The following UNC45B variants were observed in gnomAD, a reference collection of about 807,000 sequenced individuals.
UNC45B encodes the protein unc-45 myosin chaperone B.
In UNC45B, 78 loss-of-function variants were observed where a neutral mutation model predicts 98.7. The observed-to-expected ratio is 0.79, with a 90% CI of 0.66 to 0.95. UNC45B has a LOEUF of 0.95. Ranked by LOEUF, UNC45B falls within the 40% of genes least tolerant of loss-of-function variation. The pLI, the probability that UNC45B is intolerant of heterozygous loss-of-function variation, is 0.00. For synonymous variants in UNC45B, 462 were observed against 480.4 expected, an observed-to-expected ratio of 0.96 and a Z score of 0.50; for missense variants, 1,225 against 1,184.9, an observed-to-expected ratio of 1.03 and a Z score of -0.50.
Position 35,183,584 on chromosome 17 carries a change from TA to T in UNC45B, c.2529+4del. On this transcript the variant is annotated splice_donor_region_variant and intron_variant, in intron 19 of 19. Transcript: ENST00000394570. ...CTGTGCCTCAAGATGACTCAAGTGG[TA>T]AGAGCTGGCCCTGGGGATAGGACGG... is the stretch of plus-strand genomic sequence containing the variant. 1.3e-6 allele frequency: 2 copies of T among 1,547,416 alleles called. No individual in the cohort carries two copies. Among genetic ancestry groups the T allele is most frequent in the South Asian group, 1.3e-5 (1 of 79,262 alleles).
intron 19 of UNC45B, among the ~76,000 whole-genome samples, chr17:35,183,830 G>A (rs1052570057): frequency 6.6e-6 from 1 of 152,202 alleles, no homozygotes; most frequent in African/African-American, 2.4e-5. Flanking sequence ...TACCTTTAGT[G>A]GTGCATATAC....
chr17:35,184,229 C>T (rs2092290411), intron 19 of UNC45B, among the ~76,000 whole-genome samples: 1 of 152,170 alleles, frequency 6.6e-6, no homozygotes, highest in Non-Finnish European at 1.5e-5. Flanking sequence ...GGTGTGTTCT[C>T]TAAGTTCCAA....
At chr17:35,176,937 A>G (rs890833431) in intron 15 of UNC45B, 80 bp from the exon 16 acceptor site, 2 of 1,126,658 alleles carry the variant, frequency 1.8e-6, no homozygotes, top group Non-Finnish European at 2.6e-6. Context: ...TGGGACAGAC[A>G]GACAGCACCT....
At chr17:35,183,372 C>T (rs2092284858) in intron 18 of UNC45B, 55 bp from the exon 19 acceptor site, 3 of 1,445,518 alleles carry the variant, frequency 2.1e-6, no homozygotes, top group Non-Finnish European at 2.7e-6. Flanking sequence ...TTTCCCTCTT[C>T]AGGCTGGGCA....
intron 9 of UNC45B, among the ~76,000 whole-genome samples, chr17:35,166,568 C>T (rs2092142838): frequency 6.6e-6 from 1 of 152,176 alleles, no homozygotes; most frequent in South Asian, 2.1e-4. Flanking sequence ...AATGGTGCCC[C>T]AGCCTGCCCC....
At chr17:35,176,163 T>C in intron 15 of UNC45B, 129 bp downstream of exon 15, 1 of 880,464 alleles carries the variant, frequency 1.1e-6, no homozygotes, top group Non-Finnish European at 1.8e-6. Flanking sequence ...CTGTCTGTGC[T>C]CATAGCCCCA....
In UNC45B at chr17:35,151,840, T is replaced by TTTGGGAG. The variant is rs774367074; in HGVS notation, c.382-1053_382-1052insTTGGGAG. 4.6e-5 allele frequency among the ~76,000 whole-genome samples: 7 copies of TTTGGGAG among 152,340 alleles called. No homozygotes were observed. The East Asian group carries it at 1.2e-3, about 25-fold the overall frequency. On this transcript the variant is annotated intron_variant, in intron 4 of 19. Coordinates refer to ENST00000394570, the MANE Select transcript of UNC45B (RefSeq NM_001267052.2). ...AAGGCTGGGTGTGGTGGCTCACGCC[T>TTTGGGAG]GTAATCCCAGCACTTTGGGAGGCCA...
intron 18 of UNC45B, 101 bp from the exon 19 acceptor site, chr17:35,183,326 C>G: frequency 7.6e-7 from 1 of 1,322,554 alleles, no homozygotes; most frequent in Non-Finnish European, 9.8e-7. Flanking sequence ...AAGGGAAACT[C>G]TAAGAGATCT....
chr17:35,181,234 A>C (rs2092271542), intron 18 of UNC45B, among the ~76,000 whole-genome samples: 1 of 152,244 alleles, frequency 6.6e-6, no homozygotes, highest in Non-Finnish European at 1.5e-5. Context: ...CGTAGGCTTC[A>C]TGGTCCAGTC....
Position 35,155,239 on chromosome 17 carries a change from A to C in UNC45B, c.640-57A>C, listed in dbSNP as rs574655577. 6.3e-6 allele frequency: 10 copies of C among 1,593,218 alleles called. No homozygotes were observed. The African/African-American group carries it at 1.2e-4, about 19-fold the overall frequency. On this transcript the variant is annotated intron_variant, in intron 6 of 19. Transcript: ENST00000394570. ...GATTATCACACCCTCTCTAACCTGCATGGCAGCTAGAAGGGAGGGGCAAGG... is the reference window on the plus strand; with the variant it reads ...GATTATCACACCCTCTCTAACCTGCCTGGCAGCTAGAAGGGAGGGGCAAGG...
rs765356800 is a variant in UNC45B at position 35,168,114 on chromosome 17, T to C, written c.1205T>C (p.Val402Ala). 13 of 1,584,358 alleles carry C rather than the reference T, an allele frequency of 8.2e-6. No individual in the cohort carries two copies. The highest frequency in any genetic ancestry group is 1.7e-4 in the Middle Eastern group (1 of 5,938). Residue 402 changes from valine (V) to alanine (A), a missense_variant, in exon 10 of 20, where the codon GTG (valine) becomes GCG (alanine). Coordinates refer to ENST00000394570, the MANE Select transcript of UNC45B (RefSeq NM_001267052.2). The stretch of plus-strand genomic sequence containing the variant: ...AAGAACTTGAATGCCATCCAGACAG[T>C]GTCAGGGATCCTGCAGGGCCCCTTT... ...MDKNLNAIQT[V>A]SGILQGPFDL...
chr17:35,176,489 T>C (rs2092234721), intron 15 of UNC45B, among the ~76,000 whole-genome samples: 1 of 152,108 alleles, frequency 6.6e-6, no homozygotes, highest in Non-Finnish European at 1.5e-5. Context: ...GATGTTAAGA[T>C]TGGGTTTGGC....
At chr17:35,160,794 C>T (rs116189536) in intron 8 of UNC45B, among the ~76,000 whole-genome samples, 2,054 of 152,298 alleles carry the variant, frequency 0.013, 45 homozygotes, top group African/African-American at 0.046. Flanking sequence ...TTGTCAGCTC[C>T]GAGGTGTTAC....
chr17:35,167,961 T>C (rs2092152421), intron 9 of UNC45B, 100 bp from the exon 10 acceptor site: 3 of 1,200,198 alleles, frequency 2.5e-6, no homozygotes, highest in Non-Finnish European at 1.1e-6. Context: ...ACATGAGTGG[T>C]GGAGCCAGGA....
chr17:35,169,401 G>GC (rs1202373963), intron 10 of UNC45B, among the ~76,000 whole-genome samples: 4 of 152,010 alleles, frequency 2.6e-5, no homozygotes, highest in African/African-American at 7.3e-5. Context: ...TTATGAAACC[G>GC]CCCCCCTAAG....
At chr17:35,159,231 C>A in intron 7 of UNC45B, 144 bp from the exon 8 acceptor site, 1 of 815,978 alleles carries the variant, frequency 1.2e-6, no homozygotes, top group Non-Finnish European at 1.9e-6. Context: ...GTGAGATGGG[C>A]AACACTATAC....
intron 8 of UNC45B, among the ~76,000 whole-genome samples, chr17:35,160,587 G>A (rs1290726727): frequency 6.6e-6 from 1 of 152,132 alleles, no homozygotes; most frequent in Non-Finnish European, 1.5e-5. Context: ...CCACAGGCAC[G>A]AACCATCATG....
intron 3 of UNC45B, 95 bp from the exon 4 acceptor site, chr17:35,149,953 C>G: frequency 1.5e-6 from 2 of 1,311,016 alleles, no homozygotes; most frequent in Non-Finnish European, 2.0e-6. Flanking sequence ...GACACAGAAA[C>G]GAAGCAAGAG....
At chr17:35,179,998 G>A (rs1437471142) in intron 17 of UNC45B, among the ~76,000 whole-genome samples, 1 of 152,090 alleles carries the variant, frequency 6.6e-6, no homozygotes, top group Non-Finnish European at 1.5e-5. Context: ...GATTCTTTTG[G>A]TTGCCAGTAG....
Sources: allele counts gnomAD v4.1 joint callset (sites outside exome capture counted in the v4.1 genomes callset), GRCh38; gene constraint gnomAD v4.1.1; transcripts MANE v1.5; gene names NCBI Gene and HGNC (gene_info 2026-07-23, HGNC 2026-07-21).